Variants in NUP210L observed in about 807,000 individuals in gnomAD.
NUP210L encodes the protein nuclear pore membrane glycoprotein 210-like.
Under a neutral mutation model 208.5 loss-of-function variants are expected in NUP210L, and 74 were observed. The observed-to-expected ratio is 0.35, with a 90% CI of 0.29 to 0.43. The LOEUF is 0.43. Ranked by LOEUF, NUP210L falls within the 20% of genes least tolerant of loss-of-function variation. The pLI is 1.00. For missense variants in NUP210L, 1,843 were observed against 2,289.4 expected, an observed-to-expected ratio of 0.81 and a Z score of 3.98; for synonymous variants, 780 against 816.9, an observed-to-expected ratio of 0.95 and a Z score of 0.77.
exon 16 of NUP210L, chr1:154,089,437 T>C (rs1268333707): frequency 1.9e-6 from 3 of 1,614,070 alleles, no homozygotes; most frequent in Admixed American, 1.7e-5. Flanking sequence ...TTTGTTGTGC[T>C]GTGGCAGAGG....
At chr1:154,027,696 A>G in intron 28 of NUP210L, 99 bp from the exon 29 acceptor site, 2 of 704,646 alleles carry the variant, frequency 2.8e-6, no homozygotes, top group South Asian at 3.8e-5. Flanking sequence ...TTACATGCAA[A>G]TAAATGACAA....
chr1:154,019,163 T>C, intron 32 of NUP210L, 94 bp from the exon 33 acceptor site: 1 of 1,277,944 alleles, frequency 7.8e-7, no homozygotes. Flanking sequence ...TTTTCAAGCA[T>C]GCAGATATCT....
intron 2 of NUP210L, among the ~76,000 whole-genome samples, chr1:154,145,404 C>T (rs759131678): frequency 6.0e-5 from 9 of 149,420 alleles, no homozygotes; most frequent in Non-Finnish European, 1.3e-4. Flanking sequence ...GGTGACAGAG[C>T]GAGATTCCGT....
intron 3 of NUP210L, among the ~76,000 whole-genome samples, chr1:154,142,760 G>A (rs1176825016): frequency 9.9e-5 from 15 of 151,350 alleles, no homozygotes; most frequent in Admixed American, 6.6e-4. Context: ...GTGGTGGCGC[G>A]TGCCTGTATT....
intron 18 of NUP210L, among the ~76,000 whole-genome samples, chr1:154,061,318 C>A (rs1341919125): frequency 6.6e-6 from 1 of 151,846 alleles, no homozygotes; most frequent in Non-Finnish European, 1.5e-5. Context: ...GCAGAGGTTG[C>A]AGTGAGCCAA....
intron 16 of NUP210L, among the ~76,000 whole-genome samples, chr1:154,084,380 T>C (rs944684727): frequency 6.6e-6 from 1 of 151,682 alleles, no homozygotes; most frequent in Non-Finnish European, 1.5e-5. Flanking sequence ...TCTGACTAAT[T>C]TTTGTATTTT....
At chr1:154,130,109 T>A (rs1658167434) in intron 7 of NUP210L, among the ~76,000 whole-genome samples, 1 of 151,928 alleles carries the variant, frequency 6.6e-6, no homozygotes, top group African/African-American at 2.4e-5. Flanking sequence ...GAGGCCGAGG[T>A]GGGTGGACTG....
chr1:154,087,878 A>G (rs1655706643), intron 16 of NUP210L, among the ~76,000 whole-genome samples: 1 of 152,214 alleles, frequency 6.6e-6, no homozygotes, highest in South Asian at 2.1e-4. Context: ...ACGTCAGAAT[A>G]GGCAAATCCA....
intron 16 of NUP210L, among the ~76,000 whole-genome samples, chr1:154,078,410 C>T (rs1165257324): frequency 9.9e-5 from 15 of 151,974 alleles, no homozygotes; most frequent in East Asian, 3.9e-4. Context: ...GCCTGGCCAA[C>T]GTGGTGAAAC....
At chr1:154,141,627 C>G (rs1439921929) in intron 3 of NUP210L, 103 bp from the exon 4 acceptor site, 2 of 694,342 alleles carry the variant, frequency 2.9e-6, no homozygotes, top group Non-Finnish European at 5.1e-6. Flanking sequence ...TACTTTGAAG[C>G]CTCTTTCATT....
intron 15 of NUP210L, among the ~76,000 whole-genome samples, chr1:154,093,958 C>A (rs191497871): frequency 1.8e-4 from 27 of 152,042 alleles, no homozygotes; most frequent in Non-Finnish European, 3.1e-4. Context: ...TGAGACCAGT[C>A]TGGCCAACAC....
chr1:154,099,561 A>G (rs1656355103), intron 14 of NUP210L, among the ~76,000 whole-genome samples: 1 of 152,210 alleles, frequency 6.6e-6, no homozygotes, highest in South Asian at 2.1e-4. Context: ...ATATAGGGTA[A>G]AAGATGATTG....
intron 33 of NUP210L, among the ~76,000 whole-genome samples, chr1:154,016,440 C>T (rs1485591263): frequency 6.6e-6 from 1 of 151,994 alleles, no homozygotes; most frequent in African/African-American, 2.4e-5. Context: ...TTATTGTTTA[C>T]CTATCTCACC....
At chr1:154,079,383 A>G (rs571005916) in intron 16 of NUP210L, 67 of 152,150 alleles carry the variant, frequency 4.4e-4, no homozygotes, top group African/African-American at 1.5e-3. Context: ...TCACCTTCCA[A>G]CTAGCTGGGA....
chr1:154,014,722 G>A (rs1179063690), intron 33 of NUP210L, among the ~76,000 whole-genome samples: 2 of 152,142 alleles, frequency 1.3e-5, no homozygotes, highest in Non-Finnish European at 2.9e-5. Context: ...ATAAAGTTGG[G>A]GCCGGGTGCA....
At chr1:154,054,707 TGTGAGA>T in intron 24 of NUP210L, 57 bp downstream of exon 24, 3 of 1,102,122 alleles carry the variant, frequency 2.7e-6, no homozygotes, top group Non-Finnish European at 2.8e-6. Flanking sequence ...GGTGTGTGTG[TGTGAGA>T]GAGAGAGAGA....
At chr1:154,047,883 G>C (rs374940009) in intron 25 of NUP210L, among the ~76,000 whole-genome samples, 4 of 152,204 alleles carry the variant, frequency 2.6e-5, no homozygotes, top group African/African-American at 9.6e-5. Context: ...CTCCAACCTG[G>C]GTCAAAGGGT....
intron 16 of NUP210L, among the ~76,000 whole-genome samples, chr1:154,086,842 C>A (rs1439964429): frequency 6.6e-6 from 1 of 151,700 alleles, no homozygotes; most frequent in African/African-American, 2.4e-5. Flanking sequence ...AAAGATAACC[C>A]ATGTGATGAG....
At chr1:154,139,991 A>T in intron 4 of NUP210L, 39 bp from the exon 5 acceptor site, 1 of 1,519,802 alleles carries the variant, frequency 6.6e-7, no homozygotes, top group Middle Eastern at 1.7e-4. Flanking sequence ...AGCAGAATTA[A>T]ACGAAGGGTT....
Sources: gnomAD v4.1 joint callset for allele counts (sites outside exome capture counted in the v4.1 genomes callset) on GRCh38, gnomAD v4.1.1 for gene constraint, MANE v1.5 for transcripts, NCBI Gene and HGNC (gene_info 2026-07-23, HGNC 2026-07-21) for gene names.